RFWD3: variants seen among roughly 807,000 people sequenced by gnomAD.
RFWD3 encodes the protein E3 ubiquitin-protein ligase RFWD3.
RFWD3 carries 65 observed loss-of-function variants against 87.7 expected under a neutral mutation model. The ratio of observed to expected loss-of-function variants is 0.74; its 90% CI spans 0.61 to 0.91. The LOEUF (loss-of-function observed/expected upper bound fraction) is 0.91. Ranked by LOEUF, RFWD3 falls within the 40% of genes least tolerant of loss-of-function variation. The probability of loss-of-function intolerance (pLI) is 0.00; values close to 1 mark genes in which losing one functional copy is unlikely to be tolerated. For missense variants in RFWD3, 1,078 were observed against 938.5 expected, an observed-to-expected ratio of 1.15 and a Z score of -1.94; for synonymous variants, 433 against 352.8, an observed-to-expected ratio of 1.23 and a Z score of -2.55.
intron 1 of RFWD3, among the ~76,000 whole-genome samples, chr16:74,661,655 T>C (rs1450087384): frequency 1.3e-5 from 2 of 152,160 alleles, no homozygotes; most frequent in Non-Finnish European, 2.9e-5. Flanking sequence ...TTATAACCAG[T>C]TTTCCGGTTT....
In RFWD3 at chr16:74,636,502, A is replaced by T; in HGVS notation, c.1270T>A (p.Cys424Ser). 2 of 1,614,096 alleles carry T rather than the reference A, an allele frequency of 1.2e-6. No homozygotes were observed. The highest frequency in any genetic ancestry group is 1.7e-6 in the Non-Finnish European group (2 of 1,180,040). Residue 424 changes from cysteine to serine, a missense_variant, in exon 8 of 13, where the codon TGC (cysteine) becomes AGC (serine). Transcript: ENST00000361070. ...PRGSQAWVLS[C>S]SPSSQGQHKH... ...TGCTGGCCCTGGCTGGAGGGTGAGC[A>T]GCTCAGGACCCATGCTTGGGAGCCC...
chr16:74,624,030 C>G lies in RFWD3; in HGVS notation c.2223G>C (p.Gln741His), dbSNP rs763982760. 2.6e-5 allele frequency: 42 copies of G among 1,613,940 alleles called. 2 individuals carry two copies. The highest frequency in any genetic ancestry group is 3.2e-5 in the Non-Finnish European group (38 of 1,180,016). ...AGATGTCCAACACAGGCTGATCGGTCTGTAGGTCCTGGAGCAACGAGCCAC... is the reference window on the plus strand; with the variant it reads ...AGATGTCCAACACAGGCTGATCGGTGTGTAGGTCCTGGAGCAACGAGCCAC... ...AASGSLLQDL[Q>H]TDQPVLDICP... Residue 741 changes from glutamine to histidine, a missense_variant, in exon 13 of 13, where the codon CAG (glutamine) becomes CAC (histidine). By Grantham distance (24) the Gln-to-His change is conservative (BLOSUM62 0). Coordinates refer to ENST00000361070, the MANE Select transcript of RFWD3 (RefSeq NM_018124.4).
intron 6 of RFWD3, among the ~76,000 whole-genome samples, chr16:74,641,755 T>C (rs530129434): frequency 6.6e-6 from 1 of 151,366 alleles, no homozygotes; most frequent in South Asian, 2.1e-4. Context: ...AAACCCTGTC[T>C]CTACTAAAAA....
At chr16:74,636,257 C>T in intron 8 of RFWD3, 89 bp downstream of exon 8, 2 of 1,188,610 alleles carry the variant, frequency 1.7e-6, no homozygotes, top group South Asian at 2.6e-5. Context: ...GATTTGGTAA[C>T]CTTTGAGTCT....
chr16:74,628,401 C>T (rs1423856053), intron 11 of RFWD3, 51 bp downstream of exon 11: 2 of 1,564,580 alleles, frequency 1.3e-6, no homozygotes, highest in Admixed American at 3.4e-5. Context: ...CTTCCCTTTT[C>T]TCTACCACTG....
In RFWD3 at chr16:74,660,940, G is replaced by A. The variant is rs1961377934; in HGVS notation, c.510C>T (p.Asp170=). The change falls in exon 2 of 13, where the codon GAC becomes GAT. Residue 170 remains aspartate, a synonymous_variant. Transcript: ENST00000361070. The part of the protein sequence containing the change: ...RARAGGSQRT[D]SARLRAPLDA... Reference sequence around the variant, plus strand: ...TCCATATATTTATTTACCTGGCACTGTCTGTCCTCTGAGACCCTCCGGCTC... The same window carrying A: ...TCCATATATTTATTTACCTGGCACTATCTGTCCTCTGAGACCCTCCGGCTC... 1 of 1,612,584 alleles carries A rather than the reference G, an allele frequency of 6.2e-7. No individual in the cohort carries two copies. The highest frequency in any genetic ancestry group is 1.1e-5 in the South Asian group (1 of 91,048).
intron 7 of RFWD3, among the ~76,000 whole-genome samples, chr16:74,637,242 G>A (rs1209949969): frequency 5.9e-5 from 9 of 151,696 alleles, no homozygotes; most frequent in African/African-American, 1.9e-4. Flanking sequence ...TCAAACTCCT[G>A]GTAAAGCCCT....
Position 74,633,850 on chromosome 16 carries a change from T to G in RFWD3, c.1427-1177A>C, listed in dbSNP as rs1286658644. ...CTGTAGTCCCAGTTACTCAAGAGGCTGAGGTGGAAGGATGACTTGAGCCCA... is the reference window on the plus strand; with the variant it reads ...CTGTAGTCCCAGTTACTCAAGAGGCGGAGGTGGAAGGATGACTTGAGCCCA... On this transcript the variant is annotated intron_variant, in intron 8 of 12. Transcript: ENST00000361070. Among the ~76,000 whole-genome samples, 6 of 151,842 alleles carry G rather than the reference T, an allele frequency of 4.0e-5. No individual in the cohort carries two copies. In the East Asian group the frequency reaches 9.6e-4, roughly 24 times the overall value.
At position 74,623,949 on chromosome 16, in the gene RFWD3, G is replaced by C; in HGVS notation, c.2304C>G (p.Val768=). The change falls in exon 13 of 13, where the codon GTC becomes GTG. Residue 768 remains valine (V), a synonymous_variant. Coordinates refer to ENST00000361070, the MANE Select transcript of RFWD3 (RefSeq NM_018124.4). ...SYLATLTEKM[V]HIYKWE ...ACAGTCACTCCCACTTATAGATGTG[G>C]ACCATCTTCTCTGTTAAGGTAGCCA... The C allele has an allele frequency of 6.2e-7, 1 of 1,614,056 alleles. No individual in the cohort carries two copies. The highest frequency in any genetic ancestry group is 8.5e-7 in the Non-Finnish European group (1 of 1,179,992).
At chr16:74,629,134 T>C (rs1260192525) in intron 10 of RFWD3, among the ~76,000 whole-genome samples, 1 of 152,230 alleles carries the variant, frequency 6.6e-6, no homozygotes, top group Non-Finnish European at 1.5e-5. Context: ...GTTTTCTAAA[T>C]TTCCTTCTGC....
chr16:74,652,487 G>A (rs1011882484), intron 2 of RFWD3, among the ~76,000 whole-genome samples: 1 of 152,140 alleles, frequency 6.6e-6, no homozygotes, highest in Non-Finnish European at 1.5e-5. Context: ...GGGCTTTGTT[G>A]CCCAAATATG....
chr16:74,660,066 T>C (rs924400946), intron 2 of RFWD3, among the ~76,000 whole-genome samples: 1 of 150,624 alleles, frequency 6.6e-6, no homozygotes, highest in Non-Finnish European at 1.5e-5. Context: ...AAAATAACAA[T>C]AATAAAAACA....
chr16:74,649,191 C>T lies in RFWD3; in HGVS notation c.733G>A (p.Gly245Ser), dbSNP rs1960396526. ...GTAACTTCTTGCTCTGCTGAGACAC[C>T]TGCTAGTTGCTCTGCCAAGTCATTT... ...GAVILEEQLA[G>S]VSAEQEVTCI... The change falls in exon 4 of 13, where the codon GGT becomes AGT. Residue 245 changes from glycine to serine, a missense_variant. Gly to Ser is a moderately conservative substitution (Grantham distance 56). Transcript: ENST00000361070. 3.8e-6 allele frequency: 6 copies of T among 1,559,840 alleles called. No homozygotes were observed. In the South Asian group the frequency reaches 7.3e-5, roughly 19 times the overall value.
intron 8 of RFWD3, among the ~76,000 whole-genome samples, chr16:74,633,753 C>T (rs1475799563): frequency 6.6e-6 from 1 of 151,976 alleles, no homozygotes; most frequent in Non-Finnish European, 1.5e-5. Flanking sequence ...AGTTCGAGAC[C>T]AGCCTGGGCA....
intron 6 of RFWD3, among the ~76,000 whole-genome samples, chr16:74,639,778 C>G (rs1959470956): frequency 6.6e-6 from 1 of 152,022 alleles, no homozygotes; most frequent in Admixed American, 6.5e-5. Context: ...TAAATTATAG[C>G]TTGGAATATG....
chr16:74,644,366 T>C lies in RFWD3; in HGVS notation c.1075A>G (p.Lys359Glu). The change falls in exon 6 of 13, where the codon AAA (lysine) becomes GAA (glutamate). Residue 359 changes from lysine to glutamate, a missense_variant. Transcript: ENST00000361070. ...AGGCATACTCTTACCACCTACCTTT[T>C]CATGCGCTCCTGTTCACTAGTGTCC... ...ALDTSEQERM[K>E]SSLLKEQMLR... 6.2e-7 allele frequency: 1 copy of C among 1,614,088 alleles called. No individual in the cohort carries two copies. Among genetic ancestry groups the C allele is most frequent in the South Asian group, 1.1e-5 (1 of 91,078 alleles).
chr16:74,634,107 C>G (rs1267817980), intron 8 of RFWD3, among the ~76,000 whole-genome samples: 2 of 151,992 alleles, frequency 1.3e-5, no homozygotes, highest in Non-Finnish European at 2.9e-5. Flanking sequence ...AATTCTACTT[C>G]AATAAAGCTG....
chr16:74,632,778 G>A (rs1188672686), intron 8 of RFWD3, 105 bp from the exon 9 acceptor site: 6 of 1,028,040 alleles, frequency 5.8e-6, no homozygotes, highest in Non-Finnish European at 8.5e-6. Flanking sequence ...TGGCGTATAA[G>A]TCCTTGGGAA....
At chr16:74,625,199 C>CAAAA (rs61114405) in intron 12 of RFWD3, among the ~76,000 whole-genome samples, 4 of 121,866 alleles carry the variant, frequency 3.3e-5, no homozygotes, top group Non-Finnish European at 1.7e-5. Context: ...GACCCTGTCT[C>CAAAA]AAAAAAAAAA....
Sources: gnomAD v4.1 joint callset for allele counts (sites outside exome capture counted in the v4.1 genomes callset) on GRCh38, gnomAD v4.1.1 for gene constraint, MANE v1.5 for transcripts, NCBI Gene and HGNC (gene_info 2026-07-23, HGNC 2026-07-21) for gene names.